The following KIFC3 variants were observed in gnomAD, a reference collection of about 807,000 sequenced individuals.
KIFC3 encodes the protein kinesin family member C3, also known as kinesin-like protein KIFC3.
A neutral mutation model predicts 101.8 loss-of-function variants in KIFC3; 60 were observed. That is an observed-to-expected ratio of 0.59 (90% CI 0.48 to 0.73). The LOEUF (loss-of-function observed/expected upper bound fraction) is 0.73, where lower values mean the gene tolerates loss of function less well. Among genes scored for constraint, KIFC3 ranks in the 30% least tolerant of loss-of-function variants. The pLI, the probability that KIFC3 is intolerant of heterozygous loss-of-function variation, is 0.00. For missense variants in KIFC3, 966 were observed against 1,137.1 expected (o/e 0.85, Z 2.16); for synonymous variants, 476 against 482.7 (o/e 0.99, Z 0.18).
At chr16:57,776,413 G>A (rs782200716) in intron 3 of KIFC3, 15 of 984,488 alleles carry the variant, frequency 1.5e-5, no homozygotes, top group Non-Finnish European at 1.8e-5. Context: ...CGCCACTGAT[G>A]GGCAGTAATA....
chr16:57,767,026 T>A, intron 9 of KIFC3, 41 bp from the exon 10 acceptor site: 3 of 1,551,274 alleles, frequency 1.9e-6, no homozygotes, highest in Non-Finnish European at 2.7e-6. Context: ...GACGGCTCCA[T>A]CAGCCTTACC....
intron 7 of KIFC3, 117 bp downstream of exon 7, chr16:57,770,410 G>A: frequency 3.2e-6 from 3 of 938,850 alleles, no homozygotes; most frequent in Middle Eastern, 3.6e-4. Flanking sequence ...GGCCATCGGG[G>A]AGAGGAGGGA....
At chr16:57,813,865 C>A in intron 1 of KIFC3, 1 of 985,354 alleles carries the variant, frequency 1.0e-6, no homozygotes, top group Non-Finnish European at 1.2e-6. Flanking sequence ...AAAAGCCATG[C>A]GGTCCCTGGT....
chr16:57,765,552 G>A lies in KIFC3; in HGVS notation c.1419C>T (p.Ala473=), dbSNP rs181629959. 23 of 1,605,054 alleles carry A rather than the reference G, an allele frequency of 1.4e-5. No homozygotes were observed. The highest frequency in any genetic ancestry group is 1.2e-4 in the Admixed American group (7 of 58,926). ...PEATNAVTFD[A]DDDSIIHLLH... ...GCAGGTGGATGATGGAGTCGTCGTCGGCATCGAAAGTCACAGCATTGGTGG... is the reference window on the plus strand; with the variant it reads ...GCAGGTGGATGATGGAGTCGTCGTCAGCATCGAAAGTCACAGCATTGGTGG... Residue 473 remains alanine (A), a synonymous_variant, in exon 11 of 20, where the codon GCC becomes GCT. Coordinates refer to ENST00000445690, the MANE Select transcript of KIFC3 (RefSeq NM_001130100.2).
intron 3 of KIFC3, among the ~76,000 whole-genome samples, chr16:57,789,607 G>A (rs983169753): frequency 3.6e-4 from 55 of 152,376 alleles, no homozygotes; most frequent in African/African-American, 1.3e-3. Flanking sequence ...GGAATAAAAA[G>A]AAAGTTCACA....
Position 57,771,408 on chromosome 16 carries a change from G to A in KIFC3, c.555C>T (p.Ser185=). 1 of 1,613,626 alleles carries A rather than the reference G, an allele frequency of 6.2e-7. No individual in the cohort carries two copies. The highest frequency in any genetic ancestry group is 8.5e-7 in the Non-Finnish European group (1 of 1,180,038). ...TTTCCGCCATCTCCAGCTGCAGCTG[G>A]GACAGCTTGTCACGGAGCTGGGCGC... is the stretch of plus-strand genomic sequence containing the variant. ...QESAQLRDKL[S]QLQLEMAESK... is the part of the protein sequence containing the mutation. Residue 185 remains serine (S), a synonymous_variant, in exon 6 of 20, where the codon TCC becomes TCT. Transcript: ENST00000445690.
At chr16:57,781,351 T>C (rs980304769) in intron 3 of KIFC3, among the ~76,000 whole-genome samples, 2 of 152,178 alleles carry the variant, frequency 1.3e-5, no homozygotes, top group African/African-American at 2.4e-5. Flanking sequence ...CTGGGCAGCA[T>C]GTCACATTAT....
In KIFC3 at chr16:57,826,594, A is replaced by G. The variant is rs2055461721; in HGVS notation, c.109-28312T>C. On this transcript the variant is annotated intron_variant, in intron 1 of 2. Coordinates refer to the KIFC3 transcript ENST00000563028. ...CAAACAAAACAAAACAAAATAAACTATGTGATGATTTTGCATTCAGTTACT... is the reference window on the plus strand; with the variant it reads ...CAAACAAAACAAAACAAAATAAACTGTGTGATGATTTTGCATTCAGTTACT... Among the ~76,000 whole-genome samples the G allele has an allele frequency of 2.0e-5, 3 of 152,206 alleles. No homozygotes were observed. The South Asian group carries it at 6.2e-4, about 32-fold the overall frequency.
chr16:57,788,508 C>A, intron 3 of KIFC3: 1 of 1,232,514 alleles, frequency 8.1e-7, no homozygotes, highest in Non-Finnish European at 1.0e-6. Context: ...TCACCAACTG[C>A]ACAAGAGCCT....
At chr16:57,766,361 C>T (rs2050484147) in intron 10 of KIFC3, among the ~76,000 whole-genome samples, 1 of 152,214 alleles carries the variant, frequency 6.6e-6, no homozygotes, top group Non-Finnish European at 1.5e-5. Flanking sequence ...CCTGTCTCAG[C>T]CCTGGAAGGG....
At chr16:57,773,988 G>A (rs540355188) in intron 3 of KIFC3, 13 of 152,434 alleles carry the variant, frequency 8.5e-5, no homozygotes, top group Admixed American at 2.0e-4. Context: ...GGGGCAGGGG[G>A]ATTCCAAGAT....
intron 3 of KIFC3, among the ~76,000 whole-genome samples, chr16:57,778,645 C>G (rs2052392357): frequency 6.6e-6 from 1 of 152,168 alleles, no homozygotes; most frequent in Non-Finnish European, 1.5e-5. Context: ...AGAAGACATA[C>G]AAATAACTAA....
intron 3 of KIFC3, chr16:57,788,855 G>A (rs978347565): frequency 1.4e-6 from 1 of 695,004 alleles, no homozygotes; most frequent in African/African-American, 1.9e-5. Context: ...GGTGGGTGGG[G>A]ACGTTGAGGT....
At chr16:57,803,085 G>T, upstream of KIFC3, 1 of 1,499,676 alleles carries the variant, frequency 6.7e-7, no homozygotes, top group Non-Finnish European at 9.0e-7. Context: ...CCGCCTTCTA[G>T]CCACAGCACT....
At chr16:57,767,007 T>G (rs782045524) in intron 9 of KIFC3, 22 bp from the exon 10 acceptor site, 19 of 1,568,082 alleles carry the variant, frequency 1.2e-5, no homozygotes, top group Non-Finnish European at 1.6e-5. Flanking sequence ...TGCACACCAC[T>G]GTCAGGGGGA....
intron 1 of KIFC3, among the ~76,000 whole-genome samples, chr16:57,844,658 G>A (rs558162952): frequency 7.3e-4 from 111 of 152,096 alleles, no homozygotes; most frequent in African/African-American, 2.7e-3. Context: ...TCTCCCCACC[G>A]CCCCCTCCGC....
chr16:57,827,574 C>T (rs28584433), intron 1 of KIFC3, among the ~76,000 whole-genome samples: 43,785 of 152,090 alleles, frequency 0.29, 6,613 homozygotes, highest in South Asian at 0.33. Flanking sequence ...GCTGCCCATG[C>T]GACACATCAC....
chr16:57,796,791 A>G (rs1555623209), intron 2 of KIFC3, among the ~76,000 whole-genome samples: 1 of 152,182 alleles, frequency 6.6e-6, no homozygotes, highest in Non-Finnish European at 1.5e-5. Context: ...ACTACATAAA[A>G]TGTTCAGTGA....
chr16:57,759,061 G>A (rs186055080), intron 19 of KIFC3, 64 bp downstream of exon 19: 17 of 1,540,020 alleles, frequency 1.1e-5, no homozygotes, highest in Middle Eastern at 1.7e-4. Context: ...ACGTCCCAGC[G>A]CAGCCCTGCA....
Sources: allele counts gnomAD v4.1 joint callset (sites outside exome capture counted in the v4.1 genomes callset), GRCh38; gene constraint gnomAD v4.1.1; transcripts MANE v1.5; gene names NCBI Gene and HGNC (gene_info 2026-07-23, HGNC 2026-07-21).